GNB4: variants seen among roughly 807,000 people sequenced by gnomAD.
GNB4 encodes guanine nucleotide-binding protein subunit beta-4.
Under a neutral mutation model 45.2 loss-of-function variants are expected in GNB4, and 28 were observed. The ratio of observed to expected loss-of-function variants is 0.62; its 90% CI spans 0.46 to 0.85. The LOEUF (loss-of-function observed/expected upper bound fraction) is 0.85. Among genes scored for constraint, GNB4 ranks in the 40% least tolerant of loss-of-function variants. The pLI, the probability that GNB4 is intolerant of heterozygous loss-of-function variation, is 0.00. For synonymous variants in GNB4, 132 were observed against 143.7 expected, an observed-to-expected ratio of 0.92 and a Z score of 0.58; for missense variants, 321 against 425.4, an observed-to-expected ratio of 0.75 and a Z score of 2.16.
rs1251905682 is a variant in GNB4, at chr3:179,415,019, C to T, written c.296G>A (p.Trp99Ter). The change falls in exon 6 of 10, where the codon TGG (tryptophan) becomes TAG (stop). Residue 99 changes from tryptophan to a stop codon, truncating the protein, a stop_gained. Transcript: ENST00000232564. LOFTEE classifies it high-confidence loss of function. ...KMHAIPLRSS[W>*]VMTCAYAPSG... is the part of the protein sequence containing the mutation. ...GGGAGCATAAGCACAGGTCATCACC[C>T]AGGAGGACCTCAAAGGAATAGCATG... is the stretch of plus-strand genomic sequence containing the variant. 2 of 1,606,280 alleles carry T rather than the reference C, an allele frequency of 1.2e-6. No homozygotes were observed. The highest frequency in any genetic ancestry group is 1.3e-5 in the African/African-American group (1 of 74,840).
chr3:179,419,743 G>T (rs2108596119), intron 3 of GNB4, among the ~76,000 whole-genome samples: 1 of 152,134 alleles, frequency 6.6e-6, no homozygotes, highest in East Asian at 1.9e-4. Context: ...TGTATAATAA[G>T]AATGCCTTCT....
chr3:179,520,163 A>G, the GNB4 span, among the ~76,000 whole-genome samples: 1 of 115,934 alleles, frequency 8.6e-6, no homozygotes, highest in Admixed American at 8.4e-5. Flanking sequence ...CTCTGCTTTC[A>G]CTTAGACTGA....
the GNB4 span, among the ~76,000 whole-genome samples, chr3:179,509,508 C>G: frequency 0.062 from 9,378 of 152,026 alleles, 604 homozygotes; most frequent in African/African-American, 0.17. Context: ...GGTTGACGTT[C>G]TCAAGTCATG....
chr3:179,409,828 CAA>C (rs200859882), intron 8 of GNB4, among the ~76,000 whole-genome samples: 2 of 111,380 alleles, frequency 1.8e-5, no homozygotes, highest in African/African-American at 7.0e-5. Context: ...AACAAAAAAA[CAA>C]AACAAAAAAA....
the GNB4 span, among the ~76,000 whole-genome samples, chr3:179,510,597 G>A: frequency 2.7e-5 from 4 of 150,578 alleles, no homozygotes; most frequent in African/African-American, 9.9e-5. Context: ...CTTCCTATTT[G>A]CTCTTTTTTT....
the GNB4 span, among the ~76,000 whole-genome samples, chr3:179,463,214 C>T: frequency 6.6e-6 from 1 of 152,208 alleles, no homozygotes; most frequent in Non-Finnish European, 1.5e-5. Flanking sequence ...TAAGTCAACA[C>T]ACTTCTCTCT....
At chr3:179,524,870 G>T in the GNB4 span, among the ~76,000 whole-genome samples, 1 of 152,158 alleles carries the variant, frequency 6.6e-6, no homozygotes, top group Non-Finnish European at 1.5e-5. Context: ...AGGTGGGGGA[G>T]GGCTAGTTTC....
the GNB4 span, among the ~76,000 whole-genome samples, chr3:179,521,961 C>T: frequency 1.5e-4 from 23 of 152,256 alleles, no homozygotes; most frequent in African/African-American, 4.3e-4. Context: ...TAATCCCACT[C>T]GAAGCAGCCC....
At chr3:179,412,019 TTTGA>T (rs1302530703) in intron 8 of GNB4, among the ~76,000 whole-genome samples, 11 of 152,204 alleles carry the variant, frequency 7.2e-5, no homozygotes, top group South Asian at 6.2e-4. Context: ...TGATAATCAT[TTTGA>T]TTGTCATTCA....
chr3:179,458,150 G>A, the GNB4 span, among the ~76,000 whole-genome samples: 2 of 152,080 alleles, frequency 1.3e-5, no homozygotes, highest in South Asian at 4.1e-4. Flanking sequence ...TGATCCACCC[G>A]CCTCGGTCTC....
the GNB4 span, among the ~76,000 whole-genome samples, chr3:179,487,569 A>G: frequency 6.6e-6 from 1 of 152,200 alleles, no homozygotes; most frequent in East Asian, 1.9e-4. Flanking sequence ...AAGACTGACA[A>G]AACAGTAGCA....
the GNB4 span, among the ~76,000 whole-genome samples, chr3:179,481,951 G>A: frequency 6.6e-6 from 1 of 151,762 alleles, no homozygotes; most frequent in African/African-American, 2.4e-5. Flanking sequence ...CACCTAGGCT[G>A]GAGTGCAGTG....
In GNB4 at chr3:179,401,262, A is replaced by G; in HGVS notation, c.974T>C (p.Met325Thr). 6.2e-7 allele frequency: 1 copy of G among 1,614,086 alleles called. No homozygotes were observed. Among genetic ancestry groups the G allele is most frequent in the Non-Finnish European group, 8.5e-7 (1 of 1,179,964 alleles). The change falls in exon 10 of 10, where the codon ATG becomes ACG. Residue 325 changes from methionine to threonine, a missense_variant. Physicochemically the swap from Met to Thr is moderately conservative, Grantham distance 81. Transcript: ENST00000232564. ...VSCLGVTDDG[M>T]AVATGSWDSF... Reference sequence around the variant, plus strand: ...GTCCCAAGAGCCTGTTGCCACAGCCATGCCATCATCAGTTACACCTAAGCA... The same window carrying G: ...GTCCCAAGAGCCTGTTGCCACAGCCGTGCCATCATCAGTTACACCTAAGCA...
chr3:179,490,603 C>G, the GNB4 span, among the ~76,000 whole-genome samples: 32 of 152,218 alleles, frequency 2.1e-4, no homozygotes, highest in Admixed American at 1.9e-3. Flanking sequence ...TGGTATAAGT[C>G]CTGTTGTCCA....
chr3:179,514,694 G>A, the GNB4 span, among the ~76,000 whole-genome samples: 1 of 152,138 alleles, frequency 6.6e-6, no homozygotes, highest in Non-Finnish European at 1.5e-5. Flanking sequence ...AAGCTTGTGT[G>A]GGGACACTGT....
intron 1 of GNB4, among the ~76,000 whole-genome samples, chr3:179,439,899 C>T (rs1225815319): frequency 3.3e-5 from 5 of 152,212 alleles, no homozygotes; most frequent in African/African-American, 4.8e-5. Flanking sequence ...ATAATTGAGA[C>T]TTGCCTCAGA....
At chr3:179,486,535 A>T in the GNB4 span, among the ~76,000 whole-genome samples, 7 of 152,214 alleles carry the variant, frequency 4.6e-5, no homozygotes, top group African/African-American at 1.7e-4. Flanking sequence ...CAAAAAGAAA[A>T]CAAGAATATC....
chr3:179,524,987 C>T, the GNB4 span, among the ~76,000 whole-genome samples: 6 of 151,664 alleles, frequency 4.0e-5, no homozygotes, highest in South Asian at 2.1e-4. Flanking sequence ...CTCGGCCTGG[C>T]GAGGAACAGC....
At chr3:179,403,443 G>A (rs1431322493) in intron 9 of GNB4, among the ~76,000 whole-genome samples, 5 of 152,080 alleles carry the variant, frequency 3.3e-5, no homozygotes, top group African/African-American at 1.2e-4. Flanking sequence ...GTGGAAACCT[G>A]AGGTGAGGTT....
Sources: allele counts gnomAD v4.1 joint callset (sites outside exome capture counted in the v4.1 genomes callset), GRCh38; gene constraint gnomAD v4.1.1; transcripts MANE v1.5; gene names NCBI Gene and HGNC (gene_info 2026-07-23, HGNC 2026-07-21).